SLC30A7: variants seen among roughly 807,000 people sequenced by gnomAD.
The protein encoded by SLC30A7 is solute carrier family 30 member 7, also known as zinc transporter 7.
Under a neutral mutation model 46.0 loss-of-function variants are expected in SLC30A7, and 35 were observed. The observed-to-expected ratio is 0.76, with a 90% CI of 0.58 to 1.01. SLC30A7 has a LOEUF of 1.01. SLC30A7 is among the 50% of genes least tolerant of loss of function. The probability of loss-of-function intolerance (pLI) is 0.00; values close to 1 mark genes in which losing one functional copy is unlikely to be tolerated. For synonymous variants in SLC30A7, 147 were observed against 157.8 expected (o/e 0.93, Z 0.51); for missense variants, 464 against 451.1 (o/e 1.03, Z -0.26).
At chr1:100,972,279 A>G in intron 10 of SLC30A7, 1 of 361,338 alleles carries the variant, frequency 2.8e-6, no homozygotes. Flanking sequence ...CTTTAAAGGA[A>G]ACTGGAAGAG....
intron 8 of SLC30A7, among the ~76,000 whole-genome samples, chr1:100,931,197 A>G (rs2101045213): frequency 6.6e-6 from 1 of 152,296 alleles, no homozygotes; most frequent in Middle Eastern, 3.4e-3. Context: ...GTTTTTATTG[A>G]AACATCTGCT....
downstream of SLC30A7, among the ~76,000 whole-genome samples, chr1:100,986,489 C>G (rs1302261872): frequency 6.6e-6 from 1 of 151,478 alleles, no homozygotes; most frequent in Non-Finnish European, 1.5e-5. Flanking sequence ...GGCAAAGATA[C>G]AGAGCAATGG....
In SLC30A7 at chr1:100,965,839, T is replaced by G. The variant is rs777344806; in HGVS notation, c.1004T>G (p.Val335Gly). ...TGGACTTTATGTTCTGACGTTTATG[T>G]TGGGACCTTGAAATTAATAGTAGCA... ...HFWTLCSDVY[V>G]GTLKLIVAPD... The change falls in exon 10 of 11, where the codon GTT becomes GGT. Residue 335 changes from valine to glycine, a missense_variant. Val to Gly is a moderately radical substitution (Grantham distance 109, BLOSUM62 -3). Transcript: ENST00000357650. 1.2e-6 allele frequency: 2 copies of G among 1,614,008 alleles called. No individual in the cohort carries two copies. The highest frequency in any genetic ancestry group is 2.7e-5 in the African/African-American group (2 of 75,062).
chr1:100,961,343 C>A (rs1463325500), intron 8 of SLC30A7, among the ~76,000 whole-genome samples: 1 of 152,216 alleles, frequency 6.6e-6, no homozygotes, highest in Admixed American at 6.5e-5. Context: ...TCAACACATG[C>A]AGACTTTTGG....
Position 100,896,108 on chromosome 1 carries a change from G to A in SLC30A7, c.-155G>A. The A allele has an allele frequency of 6.0e-6, 4 of 663,404 alleles. No homozygotes were observed. Among genetic ancestry groups the A allele is most frequent in the South Asian group, 5.3e-5 (3 of 57,136 alleles). 41.1% of individuals were successfully genotyped at this position (663,404 alleles called of 1,614,324 possible). A position where few individuals can be genotyped will look rare whatever the true frequency, so the allele number is the denominator to read the frequency against. The stretch of plus-strand genomic sequence containing the variant: ...CCGGGCCGGAAGTAAGCGAATTCCC[G>A]GGTGTGTGTCTGTGTCTGTCTGTGT... On this transcript the variant is annotated 5_prime_UTR_variant, in exon 1 of 11. Coordinates refer to ENST00000357650, the MANE Select transcript of SLC30A7 (RefSeq NM_133496.5).
chr1:100,925,856 G>A (rs1049921211), intron 8 of SLC30A7, among the ~76,000 whole-genome samples: 1 of 152,154 alleles, frequency 6.6e-6, no homozygotes, highest in African/African-American at 2.4e-5. Context: ...TGAACAGAAA[G>A]GGTTGAAAAT....
intron 2 of SLC30A7, among the ~76,000 whole-genome samples, chr1:100,897,770 G>A (rs925376531): frequency 6.6e-6 from 1 of 152,086 alleles, no homozygotes. Flanking sequence ...AGATTATGAA[G>A]GTTATTGGTT....
rs188801688 is a variant in SLC30A7, at chr1:100,944,069, C to T, written c.843-17759C>T. Among the ~76,000 whole-genome samples the T allele has an allele frequency of 3.1e-3, 477 of 152,112 alleles. 1 individual carries two copies. The highest frequency in any genetic ancestry group is 0.011 in the African/African-American group (458 of 41,508). On this transcript the variant is annotated intron_variant, in intron 8 of 10. Coordinates refer to ENST00000357650, the MANE Select transcript of SLC30A7 (RefSeq NM_133496.5). ...ATTTTATTTTATTTATATATTTTTT[C>T]GAGACAGGGTCTGGCTCTGTCACCC...
At chr1:100,923,497 G>A (rs185267404) in intron 8 of SLC30A7, among the ~76,000 whole-genome samples, 59 of 152,248 alleles carry the variant, frequency 3.9e-4, no homozygotes, top group African/African-American at 3.1e-4. Context: ...TCTGTTATAA[G>A]CTCAGCACAG....
At chr1:100,983,163 C>T (rs1164025397), downstream of SLC30A7, among the ~76,000 whole-genome samples, 1 of 152,040 alleles carries the variant, frequency 6.6e-6, no homozygotes, top group Non-Finnish European at 1.5e-5. Flanking sequence ...TCATTCCCTC[C>T]TTAAATCAAA....
chr1:100,982,368 TCCTC>T (rs1656991296), downstream of SLC30A7, among the ~76,000 whole-genome samples: 1 of 152,190 alleles, frequency 6.6e-6, no homozygotes, highest in African/African-American at 2.4e-5. Context: ...ATAGCTTCAC[TCCTC>T]CCTATTTCGT....
chr1:100,934,718 A>G (rs1653850983), intron 8 of SLC30A7, among the ~76,000 whole-genome samples: 1 of 151,202 alleles, frequency 6.6e-6, no homozygotes, highest in Admixed American at 6.6e-5. Flanking sequence ...ATGCTTGTGT[A>G]GCTCTTCATT....
At chr1:100,941,774 A>T (rs1323543111) in intron 8 of SLC30A7, 1 of 621,362 alleles carries the variant, frequency 1.6e-6, no homozygotes, top group African/African-American at 1.8e-5. Context: ...ACAGTGGCAT[A>T]CGTGACAAAC....
intron 3 of SLC30A7, among the ~76,000 whole-genome samples, chr1:100,910,409 A>G (rs1464081220): frequency 2.0e-5 from 3 of 152,170 alleles, no homozygotes; most frequent in Non-Finnish European, 4.4e-5. Flanking sequence ...GGAACAAAAG[A>G]CAGGTATTTT....
intron 8 of SLC30A7, among the ~76,000 whole-genome samples, chr1:100,949,115 A>G (rs1468262827): frequency 6.6e-6 from 1 of 152,130 alleles, no homozygotes; most frequent in East Asian, 1.9e-4. Flanking sequence ...TCTGGTTTTT[A>G]GAATTTTCAG....
At chr1:100,924,735 T>G (rs1653180060) in intron 8 of SLC30A7, among the ~76,000 whole-genome samples, 1 of 151,992 alleles carries the variant, frequency 6.6e-6, no homozygotes, top group East Asian at 1.9e-4. Context: ...GTGGGTTTTT[T>G]TTTTCAACCT....
intron 3 of SLC30A7, 90 bp from the exon 4 acceptor site, chr1:100,910,972 AT>A: frequency 2.0e-6 from 2 of 988,180 alleles, no homozygotes; most frequent in Admixed American, 3.9e-5. Flanking sequence ...ACCATGTAAT[AT>A]GGTTTGGAAT....
Position 100,898,395 on chromosome 1 carries a change from C to T in SLC30A7, c.182+1724C>T, listed in dbSNP as rs193075187. On this transcript the variant is annotated intron_variant, in intron 2 of 10. Transcript: ENST00000357650. Reference sequence around the variant, plus strand: ...AGTATGCATCAGTGCATAACAAAAACATTAGTTGTAGTCGACTTGTTCTTT... The same window carrying T: ...AGTATGCATCAGTGCATAACAAAAATATTAGTTGTAGTCGACTTGTTCTTT... Among the ~76,000 whole-genome samples, 687 of 152,264 alleles carry T rather than the reference C, an allele frequency of 4.5e-3. 9 individuals are homozygous for T. Among genetic ancestry groups the T allele is most frequent in the African/African-American group, 0.016 (657 of 41,556 alleles).
intron 8 of SLC30A7, among the ~76,000 whole-genome samples, chr1:100,938,291 A>G (rs982690960): frequency 2.0e-5 from 3 of 152,194 alleles, no homozygotes; most frequent in Non-Finnish European, 4.4e-5. Flanking sequence ...ATAGGTAGCT[A>G]ATGTCTACCT....
Sources: gnomAD v4.1 joint callset for allele counts (sites outside exome capture counted in the v4.1 genomes callset) on GRCh38, gnomAD v4.1.1 for gene constraint, MANE v1.5 for transcripts, NCBI Gene and HGNC (gene_info 2026-07-23, HGNC 2026-07-21) for gene names.